Variants in OR5K2 observed in about 807,000 individuals in gnomAD.
The protein encoded by OR5K2 is olfactory receptor family 5 subfamily K member 2.
For missense variants in OR5K2, 402 were observed against 369.8 expected (o/e 1.09, Z -0.71); for synonymous variants, 124 against 133.2 (o/e 0.93, Z 0.48).
Position 98,498,558 on chromosome 3 carries a change from G to A in OR5K2, c.878G>A (p.Arg293Lys), listed in dbSNP as rs780693886. 6.2e-7 allele frequency: 1 copy of A among 1,603,996 alleles called. No homozygotes were observed. The highest frequency in any genetic ancestry group is 8.5e-7 in the Non-Finnish European group (1 of 1,174,460). ...CTAAATCCTTTCATTTATAGTCTGA[G>A]AAACAAGGAAGTAATAAGTGTCTTA... ...PLLNPFIYSL[R>K]NKEVISVLRK... Residue 293 changes from arginine (R) to lysine (K), a missense_variant, in exon 1 of 1, where the codon AGA (arginine) becomes AAA (lysine). Physicochemically the swap from Arg to Lys is conservative, Grantham distance 26 (BLOSUM62 2). Transcript: ENST00000427338.
rs114010315 is a variant in OR5K2 at position 98,498,485 on chromosome 3, G to T, written c.805G>T (p.Gly269Cys). The change falls in exon 1 of 1, where the codon GGT (glycine) becomes TGT (cysteine). Residue 269 changes from glycine to cysteine, a missense_variant. Gly to Cys is a radical substitution (Grantham distance 159). Coordinates refer to ENST00000427338, the MANE Select transcript of OR5K2 (RefSeq NM_001004737.1). ...TAGACCAAATTTGCTTGAAGAAGGAGGTAATGATATACCAGCTGCTATTTT... is the reference window on the plus strand; with the variant it reads ...TAGACCAAATTTGCTTGAAGAAGGATGTAATGATATACCAGCTGCTATTTT... ...YIRPNLLEEGGNDIPAAILFT... is the reference protein window; with the variant it reads ...YIRPNLLEEGCNDIPAAILFT... 45 of 1,611,312 alleles carry T rather than the reference G, an allele frequency of 2.8e-5. No homozygotes were observed. In the African/African-American group the frequency reaches 5.9e-4, roughly 21 times the overall value.
chr3:98,498,575 A>T lies in OR5K2; in HGVS notation c.895A>T (p.Ser299Cys). The T allele has an allele frequency of 6.3e-7, 1 of 1,597,502 alleles. No homozygotes were observed. ...TAGTCTGAGAAACAAGGAAGTAATAAGTGTCTTAAGAAAAATTCTGCTGAA... is the reference window on the plus strand; with the variant it reads ...TAGTCTGAGAAACAAGGAAGTAATATGTGTCTTAAGAAAAATTCTGCTGAA... ...IYSLRNKEVI[S>C]VLRKILLKIK... The change falls in exon 1 of 1, where the codon AGT becomes TGT. Residue 299 changes from serine to cysteine, a missense_variant. By Grantham distance (112) the Ser-to-Cys change is moderately radical. Transcript: ENST00000427338.
rs771776410 is a variant in OR5K2, at chr3:98,497,939, T to C, written c.259T>C (p.Ser87Pro). 3.7e-6 allele frequency: 6 copies of C among 1,613,994 alleles called. No homozygotes were observed. Among genetic ancestry groups the C allele is most frequent in the Non-Finnish European group, 4.2e-6 (5 of 1,179,982 alleles). ...ITPKMLENFFSEGKRISLYEC... is the reference protein window; with the variant it reads ...ITPKMLENFFPEGKRISLYEC... ...CCCCAAAATGTTAGAGAACTTCTTTTCTGAGGGCAAAAGGATTTCCCTCTA... is the reference window on the plus strand; with the variant it reads ...CCCCAAAATGTTAGAGAACTTCTTTCCTGAGGGCAAAAGGATTTCCCTCTA... Residue 87 changes from serine (S) to proline (P), a missense_variant, in exon 1 of 1, where the codon TCT (serine) becomes CCT (proline). Ser to Pro is a moderately conservative substitution (Grantham distance 74, BLOSUM62 -1). Coordinates refer to ENST00000427338, the MANE Select transcript of OR5K2 (RefSeq NM_001004737.1).
rs775779983 is a variant in OR5K2 at position 98,498,277 on chromosome 3, A to G, written c.597A>G (p.Leu199=). The G allele has an allele frequency of 6.2e-7, 1 of 1,613,966 alleles. No homozygotes were observed. The highest frequency in any genetic ancestry group is 8.5e-7 in the Non-Finnish European group (1 of 1,179,926). ...CVDPFINELV[L]FIFSGSVQVF... is the part of the protein sequence containing the mutation. ...ACCCTTTCATCAATGAACTGGTTCT[A>G]TTCATCTTCTCAGGTTCAGTTCAAG... The change falls in exon 1 of 1, where the codon CTA becomes CTG. Residue 199 remains leucine, a synonymous_variant. Transcript: ENST00000427338.
Position 98,498,599 on chromosome 3 carries a change from A to C in OR5K2, c.919A>C (p.Lys307Gln). Residue 307 changes from lysine to glutamine, a missense_variant, in exon 1 of 1, where the codon AAA (lysine) becomes CAA (glutamine). By Grantham distance (53) the Lys-to-Gln change is moderately conservative. Coordinates refer to ENST00000427338, the MANE Select transcript of OR5K2 (RefSeq NM_001004737.1). ...VISVLRKILL[K>Q]IKSQGSVNK ...AAGTGTCTTAAGAAAAATTCTGCTGAAAATAAAATCTCAAGGAAGTGTGAA... is the reference window on the plus strand; with the variant it reads ...AAGTGTCTTAAGAAAAATTCTGCTGCAAATAAAATCTCAAGGAAGTGTGAA... The C allele has an allele frequency of 1.9e-6, 3 of 1,586,614 alleles. No individual in the cohort carries two copies. The South Asian group carries it at 3.4e-5, about 18-fold the overall frequency.
At position 98,497,896 on chromosome 3, in the gene OR5K2, C is replaced by T; in HGVS notation, c.216C>T (p.Cys72=). ...GAAATCTGGCTCTTGTGGATTCTTG[C>T]TGTGCCTGTGCTATTACCCCCAAAA... ...FLGNLALVDS[C]CACAITPKML... Residue 72 remains cysteine, a synonymous_variant, in exon 1 of 1, where the codon TGC becomes TGT. Coordinates refer to ENST00000427338, the MANE Select transcript of OR5K2 (RefSeq NM_001004737.1). 6.2e-7 allele frequency: 1 copy of T among 1,614,080 alleles called. No individual in the cohort carries two copies. Among genetic ancestry groups the T allele is most frequent in the East Asian group, 2.2e-5 (1 of 44,880 alleles).
rs1474148628 is a variant in OR5K2 at position 98,498,590 on chromosome 3, A to C, written c.910A>C (p.Ile304Leu). ...NKEVISVLRKILLKIKSQGSV... is the reference protein window; with the variant it reads ...NKEVISVLRKLLLKIKSQGSV... Reference sequence around the variant, plus strand: ...GGAAGTAATAAGTGTCTTAAGAAAAATTCTGCTGAAAATAAAATCTCAAGG... The same window carrying C: ...GGAAGTAATAAGTGTCTTAAGAAAACTTCTGCTGAAAATAAAATCTCAAGG... The change falls in exon 1 of 1, where the codon ATT (isoleucine) becomes CTT (leucine). Residue 304 changes from isoleucine to leucine, a missense_variant. Physicochemically the swap from Ile to Leu is conservative, Grantham distance 5. Coordinates refer to ENST00000427338, the MANE Select transcript of OR5K2 (RefSeq NM_001004737.1). 6.3e-7 allele frequency: 1 copy of C among 1,590,732 alleles called. No homozygotes were observed.
rs546241113 is a variant in OR5K2 at position 98,497,852 on chromosome 3, C to A, written c.172C>A (p.Pro58Thr). ...ATTTACACACTGTCGGCTTCACACA[C>A]CAATGTACATCTTTCTGGGAAATCT... ...LIFTHCRLHT[P>T]MYIFLGNLAL... is the part of the protein sequence containing the mutation. The change falls in exon 1 of 1, where the codon CCA becomes ACA. Residue 58 changes from proline to threonine, a missense_variant. Transcript: ENST00000427338. 1 of 1,614,116 alleles carries A rather than the reference C, an allele frequency of 6.2e-7. No individual in the cohort carries two copies. The highest frequency in any genetic ancestry group is 1.3e-5 in the African/African-American group (1 of 75,024).
At position 98,498,148 on chromosome 3, in the gene OR5K2, C is replaced by A. The variant is rs1457823728; in HGVS notation, c.468C>A (p.Ser156=). 9.9e-6 allele frequency: 16 copies of A among 1,614,018 alleles called. No individual in the cohort carries two copies. The highest frequency in any genetic ancestry group is 1.3e-5 in the Non-Finnish European group (15 of 1,179,950). The change falls in exon 1 of 1, where the codon TCC becomes TCA. Residue 156 remains serine, a synonymous_variant. Coordinates refer to ENST00000427338, the MANE Select transcript of OR5K2 (RefSeq NM_001004737.1). ...CCTTCATAGCTGGAAATCTGCATTCCATGATTCATGTAGGGCTTGTATTTA... is the reference window on the plus strand; with the variant it reads ...CCTTCATAGCTGGAAATCTGCATTCAATGATTCATGTAGGGCTTGTATTTA... The part of the protein sequence containing the change: ...TGAFIAGNLH[S]MIHVGLVFRL...
chr3:98,498,189 G>C lies in OR5K2; in HGVS notation c.509G>C (p.Gly170Ala). The C allele has an allele frequency of 6.2e-7, 1 of 1,614,064 alleles. No homozygotes were observed. Among genetic ancestry groups the C allele is most frequent in the Non-Finnish European group, 8.5e-7 (1 of 1,179,962 alleles). Reference sequence around the variant, plus strand: ...CTTGTATTTAGGTTAGTTTTCTGTGGATTGAATCACATCAACCACTTTTAC... The same window carrying C: ...CTTGTATTTAGGTTAGTTTTCTGTGCATTGAATCACATCAACCACTTTTAC... ...VGLVFRLVFC[G>A]LNHINHFYCD... Residue 170 changes from glycine to alanine, a missense_variant, in exon 1 of 1, where the codon GGA becomes GCA. By Grantham distance (60) the Gly-to-Ala change is moderately conservative (BLOSUM62 0). Transcript: ENST00000427338.
chr3:98,497,936 T>C lies in OR5K2; in HGVS notation c.256T>C (p.Phe86Leu). 1 of 1,614,118 alleles carries C rather than the reference T, an allele frequency of 6.2e-7. No individual in the cohort carries two copies. The highest frequency in any genetic ancestry group is 1.7e-5 in the Admixed American group (1 of 60,008). Residue 86 changes from phenylalanine to leucine, a missense_variant, in exon 1 of 1, where the codon TTT (phenylalanine) becomes CTT (leucine). Phe to Leu is a conservative substitution (Grantham distance 22). Transcript: ENST00000427338. ...AITPKMLENF[F>L]SEGKRISLYE... ...TACCCCCAAAATGTTAGAGAACTTC[T>C]TTTCTGAGGGCAAAAGGATTTCCCT...
chr3:98,497,698 T>C lies in OR5K2; in HGVS notation c.18T>C (p.His6=). The stretch of plus-strand genomic sequence containing the variant: ...GGTCAGGAATGGTTGAAGAAAATCA[T>C]ACCATGAAAAATGAGTTTATCCTCA... MVEEN[H]TMKNEFILTG... is the part of the protein sequence containing the mutation. Residue 6 remains histidine, a synonymous_variant, in exon 1 of 1, where the codon CAT becomes CAC. Coordinates refer to ENST00000427338, the MANE Select transcript of OR5K2 (RefSeq NM_001004737.1). The C allele has an allele frequency of 6.2e-7, 1 of 1,612,706 alleles. No individual in the cohort carries two copies. The highest frequency in any genetic ancestry group is 1.1e-5 in the South Asian group (1 of 90,974).
In OR5K2 at chr3:98,498,330, C is replaced by A. The variant is rs745394497; in HGVS notation, c.650C>A (p.Ser217Tyr). 1.1e-5 allele frequency: 18 copies of A among 1,613,722 alleles called. No homozygotes were observed. The change falls in exon 1 of 1, where the codon TCT (serine) becomes TAT (tyrosine). Residue 217 changes from serine (S) to tyrosine (Y), a missense_variant. By Grantham distance (144) the Ser-to-Tyr change is moderately radical. Coordinates refer to ENST00000427338, the MANE Select transcript of OR5K2 (RefSeq NM_001004737.1). Reference sequence around the variant, plus strand: ...TTTACCATAGGTAGTGTCTTAATATCTTATCTCTATATTCTTCTTACTATT... The same window carrying A: ...TTTACCATAGGTAGTGTCTTAATATATTATCTCTATATTCTTCTTACTATT... ...QVFTIGSVLI[S>Y]YLYILLTIFR...
chr3:98,498,240 T>G lies in OR5K2; in HGVS notation c.560T>G (p.Leu187Arg), dbSNP rs373066413. ...TGTGATACTCTTCCCTTGTATAGAC[T>G]CTCCTGTGTTGACCCTTTCATCAAT... ...FYCDTLPLYR[L>R]SCVDPFINEL... Residue 187 changes from leucine to arginine, a missense_variant, in exon 1 of 1, where the codon CTC becomes CGC. Leu to Arg is a moderately radical substitution (Grantham distance 102). Transcript: ENST00000427338. 5 of 1,613,988 alleles carry G rather than the reference T, an allele frequency of 3.1e-6. No homozygotes were observed. The African/African-American group carries it at 6.7e-5, about 22-fold the overall frequency.
rs777900291 is a variant in OR5K2, at chr3:98,497,836, C to T, written c.156C>T (p.His52=). 12 of 1,614,132 alleles carry T rather than the reference C, an allele frequency of 7.4e-6. No individual in the cohort carries two copies. In the East Asian group the frequency reaches 2.5e-4, roughly 33 times the overall value. Residue 52 remains histidine (H), a synonymous_variant, in exon 1 of 1, where the codon CAC becomes CAT. Transcript: ENST00000427338. The part of the protein sequence containing the change: ...NISLVALIFT[H]CRLHTPMYIF... ...GTTTGGTGGCACTGATATTTACACA[C>T]TGTCGGCTTCACACACCAATGTACA...
In OR5K2 at chr3:98,498,593, C is replaced by A. The variant is rs749077909; in HGVS notation, c.913C>A (p.Leu305Met). Residue 305 changes from leucine to methionine, a missense_variant, in exon 1 of 1, where the codon CTG becomes ATG. Transcript: ENST00000427338. ...AGTAATAAGTGTCTTAAGAAAAATT[C>A]TGCTGAAAATAAAATCTCAAGGAAG... ...KEVISVLRKI[L>M]LKIKSQGSVN... The A allele has an allele frequency of 1.3e-6, 2 of 1,589,678 alleles. No homozygotes were observed. Among genetic ancestry groups the A allele is most frequent in the Non-Finnish European group, 1.7e-6 (2 of 1,166,758 alleles).
Position 98,498,368 on chromosome 3 carries a change from T to A in OR5K2, c.688T>A (p.Ser230Thr). 1.2e-6 allele frequency: 2 copies of A among 1,613,758 alleles called. No individual in the cohort carries two copies. The highest frequency in any genetic ancestry group is 1.7e-6 in the Non-Finnish European group (2 of 1,179,766). ...YILLTIFRMK[S>T]KEGRAKAFST... ...TCTTCTTACTATTTTCAGAATGAAA[T>A]CCAAGGAGGGAAGGGCCAAAGCCTT... The change falls in exon 1 of 1, where the codon TCC becomes ACC. Residue 230 changes from serine (S) to threonine (T), a missense_variant. Coordinates refer to ENST00000427338, the MANE Select transcript of OR5K2 (RefSeq NM_001004737.1).
Position 98,498,392 on chromosome 3 carries a change from T to G in OR5K2, c.712T>G (p.Phe238Val), listed in dbSNP as rs1240230679. The change falls in exon 1 of 1, where the codon TTT becomes GTT. Residue 238 changes from phenylalanine to valine, a missense_variant. Coordinates refer to ENST00000427338, the MANE Select transcript of OR5K2 (RefSeq NM_001004737.1). The stretch of plus-strand genomic sequence containing the variant: ...ATCCAAGGAGGGAAGGGCCAAAGCC[T>G]TTTCTACTTGTGCATCCCACTTTTC... Reference protein sequence around the residue: ...MKSKEGRAKAFSTCASHFSSV... With the variant: ...MKSKEGRAKAVSTCASHFSSV... 33 of 1,613,684 alleles carry G rather than the reference T, an allele frequency of 2.0e-5. No individual in the cohort carries two copies. Among genetic ancestry groups the G allele is most frequent in the Non-Finnish European group, 2.8e-5 (33 of 1,179,740 alleles).
chr3:98,497,983 T>C lies in OR5K2; in HGVS notation c.303T>C (p.Phe101=). ...RISLYECAVQ[F]YFLCTVETAD... The stretch of plus-strand genomic sequence containing the variant: ...CCCTCTATGAATGTGCAGTACAGTT[T>C]TATTTTCTTTGCACTGTGGAAACTG... The change falls in exon 1 of 1, where the codon TTT becomes TTC. Residue 101 remains phenylalanine, a synonymous_variant. Transcript: ENST00000427338. 1.9e-6 allele frequency: 3 copies of C among 1,614,088 alleles called. No individual in the cohort carries two copies. Among genetic ancestry groups the C allele is most frequent in the Non-Finnish European group, 2.5e-6 (3 of 1,179,982 alleles).
Sources: gnomAD v4.1 joint callset for allele counts on GRCh38, gnomAD v4.1.1 for gene constraint, MANE v1.5 for transcripts, NCBI Gene and HGNC (gene_info 2026-07-23, HGNC 2026-07-21) for gene names.